Variants in PLXDC2 observed in about 807,000 individuals in gnomAD.
PLXDC2 encodes the protein plexin domain-containing protein 2.
In PLXDC2, 40 loss-of-function variants were observed where a neutral mutation model predicts 68.9. That is an observed-to-expected ratio of 0.58 (90% confidence interval 0.45 to 0.76). The LOEUF is 0.76. PLXDC2 is among the 30% of genes least tolerant of loss of function. The pLI, the probability that PLXDC2 is intolerant of heterozygous loss-of-function variation, is 0.00. For missense variants in PLXDC2, 644 were observed against 661.9 expected (o/e 0.97, Z 0.30); for synonymous variants, 243 against 234.2 (o/e 1.04, Z -0.34).
chr10:19,887,120 T>C (rs947183953), intron 1 of PLXDC2, among the ~76,000 whole-genome samples: 3 of 152,214 alleles, frequency 2.0e-5, no homozygotes, highest in Non-Finnish European at 2.9e-5. Flanking sequence ...TATGTGTTTT[T>C]AAATCTTCTA....
chr10:20,243,186 T>G (rs912648883), intron 12 of PLXDC2, among the ~76,000 whole-genome samples: 1 of 152,164 alleles, frequency 6.6e-6, no homozygotes, highest in Admixed American at 6.6e-5. Context: ...AATTCAGACT[T>G]GGAGGCCAGA....
At chr10:19,829,154 C>CTTTTTTTTTTTTTTTTTTT (rs71388870) in intron 1 of PLXDC2, among the ~76,000 whole-genome samples, 9 of 94,416 alleles carry the variant, frequency 9.5e-5, no homozygotes, top group East Asian at 3.4e-4. Flanking sequence ...ACGCTTTCCT[C>CTTTTTTTTTTTTTTTTTTT]TTTTTTTTTT....
At chr10:19,859,028 G>A (rs1328522991) in intron 1 of PLXDC2, among the ~76,000 whole-genome samples, 1 of 150,912 alleles carries the variant, frequency 6.6e-6, no homozygotes, top group Non-Finnish European at 1.5e-5. Flanking sequence ...GCGAGAGAGA[G>A]AGAGAGAGAG....
chr10:19,897,227 C>CT (rs558204823), intron 1 of PLXDC2, among the ~76,000 whole-genome samples: 20,506 of 139,798 alleles, frequency 0.15, 1,530 homozygotes, highest in African/African-American at 0.21. Flanking sequence ...ATTCCCTTCT[C>CT]TTTTTTTTTT....
chr10:19,915,350 T>A (rs941572238), intron 1 of PLXDC2, among the ~76,000 whole-genome samples: 2 of 152,216 alleles, frequency 1.3e-5, no homozygotes, highest in Non-Finnish European at 2.9e-5. Context: ...CAAAGTCTAC[T>A]AATATCAATA....
At chr10:19,918,866 G>C (rs1014165099) in intron 1 of PLXDC2, among the ~76,000 whole-genome samples, 1 of 152,216 alleles carries the variant, frequency 6.6e-6, no homozygotes, top group Non-Finnish European at 1.5e-5. Flanking sequence ...CAATCGTTAA[G>C]AAGTTATTTC....
chr10:19,866,654 C>T (rs772758010), intron 1 of PLXDC2, among the ~76,000 whole-genome samples: 8 of 152,160 alleles, frequency 5.3e-5, no homozygotes, highest in Non-Finnish European at 1.2e-4. Context: ...CCAGGATTTG[C>T]AGCAAGAGAA....
At chr10:20,118,496 A>G (rs1833651936) in intron 4 of PLXDC2, among the ~76,000 whole-genome samples, 2 of 152,242 alleles carry the variant, frequency 1.3e-5, no homozygotes, top group African/African-American at 4.8e-5. Context: ...CATTCTGGCC[A>G]GAACCAAGGG....
intron 3 of PLXDC2, among the ~76,000 whole-genome samples, chr10:20,061,535 T>G (rs1836103030): frequency 6.6e-6 from 1 of 152,166 alleles, no homozygotes; most frequent in Non-Finnish European, 1.5e-5. Context: ...ACCTACCAGA[T>G]TTTGTCTTTT....
At chr10:20,085,454 G>A (rs1310345270) in intron 4 of PLXDC2, among the ~76,000 whole-genome samples, 1 of 152,158 alleles carries the variant, frequency 6.6e-6, no homozygotes, top group Admixed American at 6.5e-5. Context: ...GAGGGAAGGG[G>A]AAGGATGATC....
chr10:20,001,287 C>T (rs894878463), intron 1 of PLXDC2, among the ~76,000 whole-genome samples: 2 of 152,172 alleles, frequency 1.3e-5, no homozygotes, highest in African/African-American at 4.8e-5. Flanking sequence ...ATTATTTAAC[C>T]CGTTCCTATA....
chr10:20,129,059 C>T (rs766762496), intron 4 of PLXDC2, among the ~76,000 whole-genome samples: 18 of 152,084 alleles, frequency 1.2e-4, no homozygotes, highest in Non-Finnish European at 2.2e-4. Flanking sequence ...AAATCCTCTG[C>T]GTTATTTCCA....
At chr10:19,960,223 G>A (rs1834135016) in intron 1 of PLXDC2, among the ~76,000 whole-genome samples, 1 of 150,660 alleles carries the variant, frequency 6.6e-6, no homozygotes, top group Admixed American at 6.6e-5. Flanking sequence ...AAATTAGCCA[G>A]GGTGGTAGTG....
intron 4 of PLXDC2, among the ~76,000 whole-genome samples, chr10:20,123,001 T>C (rs1287110387): frequency 6.6e-6 from 1 of 152,058 alleles, no homozygotes; most frequent in Admixed American, 6.6e-5. Context: ...GCTGTCTGAT[T>C]TGGGATAAAG....
intron 1 of PLXDC2, among the ~76,000 whole-genome samples, chr10:19,938,306 A>G (rs1833762201): frequency 6.6e-6 from 1 of 152,190 alleles, no homozygotes; most frequent in African/African-American, 2.4e-5. Context: ...AAGGTAGTGT[A>G]TTAGGCCATT....
At chr10:19,882,498 C>G (rs1049774428) in intron 1 of PLXDC2, among the ~76,000 whole-genome samples, 3 of 152,110 alleles carry the variant, frequency 2.0e-5, no homozygotes, top group African/African-American at 7.2e-5. Context: ...ACTGGTAGAC[C>G]CAGGACTTAA....
At chr10:20,203,334 A>G (rs904882583) in intron 9 of PLXDC2, among the ~76,000 whole-genome samples, 1 of 150,042 alleles carries the variant, frequency 6.7e-6, no homozygotes, top group East Asian at 2.0e-4. Context: ...TCTGTTGGCC[A>G]GGCTGGGGTG....
intron 12 of PLXDC2, among the ~76,000 whole-genome samples, chr10:20,238,696 C>CACATATATGTGTATATATATAT (rs1554777593): frequency 1.8e-5 from 2 of 113,256 alleles, no homozygotes; most frequent in Non-Finnish European, 3.6e-5. Context: ...TATATATACA[C>CACATATATGTGTATATATATAT]ACATATATAT....
chr10:19,839,585 G>C (rs998910917), intron 1 of PLXDC2, among the ~76,000 whole-genome samples: 2 of 150,968 alleles, frequency 1.3e-5, no homozygotes, highest in Admixed American at 6.6e-5. Flanking sequence ...TTAATTCTTT[G>C]GTTTTGTCTT....
Sources: allele counts gnomAD v4.1 joint callset (sites outside exome capture counted in the v4.1 genomes callset), GRCh38; gene constraint gnomAD v4.1.1; transcripts MANE v1.5; gene names NCBI Gene and HGNC (gene_info 2026-07-23, HGNC 2026-07-21).